Variants in RABGAP1L observed in about 807,000 individuals in gnomAD.
The protein encoded by RABGAP1L is RAB GTPase activating protein 1 like.
Under a neutral mutation model 137.7 loss-of-function variants are expected in RABGAP1L, and 63 were observed. That is an observed-to-expected ratio of 0.46 (90% CI 0.37 to 0.56). The LOEUF is 0.56. Among genes scored for constraint, RABGAP1L ranks in the 20% least tolerant of loss-of-function variants. RABGAP1L has a pLI of 0.00. For synonymous variants in RABGAP1L, 431 were observed against 433.7 expected, an observed-to-expected ratio of 0.99 and a Z score of 0.08; for missense variants, 1,095 against 1,244.0, an observed-to-expected ratio of 0.88 and a Z score of 1.80.
intron 19 of RABGAP1L, among the ~76,000 whole-genome samples, chr1:174,818,701 C>T (rs1690692548): frequency 6.6e-6 from 1 of 151,742 alleles, no homozygotes; most frequent in Non-Finnish European, 1.5e-5. Context: ...CGAAGTGAGA[C>T]CCCATCTCTA....
intron 7 of RABGAP1L, 144 bp from the exon 8 acceptor site, chr1:174,272,270 A>G: frequency 1.5e-6 from 1 of 682,242 alleles, no homozygotes; most frequent in Middle Eastern, 4.3e-4. Flanking sequence ...ATAAATACTT[A>G]TTTCTGGTGT....
intron 25 of RABGAP1L, among the ~76,000 whole-genome samples, chr1:174,989,637 T>G (rs564243948): frequency 6.6e-6 from 1 of 152,336 alleles, no homozygotes; most frequent in South Asian, 2.1e-4. Flanking sequence ...TCTTTCACTG[T>G]TTAAAGAAAG....
chr1:174,611,987 C>CTAG (rs1483479198), intron 13 of RABGAP1L, among the ~76,000 whole-genome samples: 1 of 152,212 alleles, frequency 6.6e-6, no homozygotes, highest in Non-Finnish European at 1.5e-5. Context: ...GATATACAAT[C>CTAG]ATGTCATCTG....
chr1:174,987,975 A>G (rs1671747483), intron 24 of RABGAP1L, among the ~76,000 whole-genome samples: 1 of 151,816 alleles, frequency 6.6e-6, no homozygotes, highest in Admixed American at 6.6e-5. Flanking sequence ...ATGCCTGGCT[A>G]ATTTTTTGTA....
In RABGAP1L at chr1:174,754,613, C is replaced by A. The variant is rs183213504; in HGVS notation, c.2211+2259C>A. ...AATTCCTGGGCTCAAGTGATCCTCC[C>A]TCCTCAGCCTCTTGAGGAGCTAGAA... On this transcript the variant is annotated intron_variant, in intron 18 of 25. Coordinates refer to ENST00000681986, the MANE Select transcript of RABGAP1L (RefSeq NM_001366446.1). 2.8e-3 allele frequency among the ~76,000 whole-genome samples: 425 copies of A among 152,176 alleles called. 1 individual carries two copies. The highest frequency in any genetic ancestry group is 9.8e-3 in the African/African-American group (405 of 41,514).
At chr1:174,685,078 C>T (rs1678357839) in intron 15 of RABGAP1L, among the ~76,000 whole-genome samples, 1 of 152,010 alleles carries the variant, frequency 6.6e-6, no homozygotes, top group Admixed American at 6.6e-5. Context: ...ATTCAGGGAG[C>T]AAAATTGTTA....
In RABGAP1L at chr1:174,875,759, C is replaced by T. The variant is rs1018770238; in HGVS notation, c.2340+63799C>T. On this transcript the variant is annotated intron_variant, in intron 19 of 25. Transcript: ENST00000681986. ...TTATAATGCCTTGTCTCCTGATTAT[C>T]ATTTAATTTTTACCTGGTTAGTCAG... 3 of 941,762 alleles carry T rather than the reference C, an allele frequency of 3.2e-6. No individual in the cohort carries two copies. The African/African-American group carries it at 5.3e-5, about 17-fold the overall frequency. 58.3% of individuals were successfully genotyped at this position (941,762 alleles called of 1,614,324 possible).
At chr1:174,540,135 G>T (rs891336385) in intron 13 of RABGAP1L, among the ~76,000 whole-genome samples, 9 of 152,062 alleles carry the variant, frequency 5.9e-5, no homozygotes, top group South Asian at 2.1e-4. Context: ...CTTTTTGATG[G>T]GGTAGTTTGA....
chr1:174,226,750 A>G lies in RABGAP1L; in HGVS notation c.332-4395A>G, dbSNP rs541650308. ...TTGGTTTCTTATGATTAGTATTTGC[A>G]TGGTATATATTTTTCTTTTTCCTTT... is the stretch of plus-strand genomic sequence containing the variant. On this transcript the variant is annotated intron_variant, in intron 3 of 25. Transcript: ENST00000681986. Among the ~76,000 whole-genome samples, 3 of 151,746 alleles carry G rather than the reference A, an allele frequency of 2.0e-5. 1 individual carries two copies. Among genetic ancestry groups the G allele is most frequent in the South Asian group, 2.1e-4 (1 of 4,826 alleles).
intron 14 of RABGAP1L, among the ~76,000 whole-genome samples, chr1:174,674,182 C>T (rs1677405914): frequency 6.6e-6 from 1 of 150,416 alleles, no homozygotes; most frequent in South Asian, 2.1e-4. Context: ...TGGTGTGCTG[C>T]ACCCATTAAC....
At chr1:174,492,379 G>A (rs1311321267) in intron 13 of RABGAP1L, among the ~76,000 whole-genome samples, 4 of 137,496 alleles carry the variant, frequency 2.9e-5, no homozygotes, top group South Asian at 2.3e-4. Context: ...ATGGAGTCTC[G>A]CTCTTGTCGC....
chr1:174,310,422 T>C (rs1020766899), intron 11 of RABGAP1L, among the ~76,000 whole-genome samples: 1 of 152,180 alleles, frequency 6.6e-6, no homozygotes, highest in Non-Finnish European at 1.5e-5. Flanking sequence ...GAATGTATAT[T>C]GTGCAGTTGT....
chr1:174,816,814 C>A (rs1393903397), intron 19 of RABGAP1L, among the ~76,000 whole-genome samples: 2 of 151,712 alleles, frequency 1.3e-5, no homozygotes, highest in East Asian at 3.9e-4. Flanking sequence ...CTCCTGCAAC[C>A]TTCGCCTCCC....
At chr1:174,442,719 TTATTG>T (rs1451681143) in intron 13 of RABGAP1L, among the ~76,000 whole-genome samples, 1 of 152,182 alleles carries the variant, frequency 6.6e-6, no homozygotes, top group African/African-American at 2.4e-5. Context: ...TGTTTATGAC[TTATTG>T]TATTGGTAAC....
chr1:174,320,194 G>A (rs954033138), intron 11 of RABGAP1L, among the ~76,000 whole-genome samples: 13 of 152,146 alleles, frequency 8.5e-5, no homozygotes, highest in African/African-American at 2.7e-4. Context: ...ATTATGATAT[G>A]AAACATTTTC....
chr1:174,174,157 C>A (rs917040699), intron 1 of RABGAP1L, among the ~76,000 whole-genome samples: 6 of 151,110 alleles, frequency 4.0e-5, no homozygotes, highest in Admixed American at 2.0e-4. Flanking sequence ...AGACAGATTT[C>A]TGACAACATG....
At chr1:174,984,057 CAAAAAAAAAAAA>C (rs1163719976) in intron 24 of RABGAP1L, among the ~76,000 whole-genome samples, 4 of 115,070 alleles carry the variant, frequency 3.5e-5, no homozygotes, top group Non-Finnish European at 5.2e-5. Flanking sequence ...TTTCTTCTAA[CAAAAAAAAAAAA>C]AAAAAAAAAG....
intron 13 of RABGAP1L, among the ~76,000 whole-genome samples, chr1:174,427,071 T>G (rs1257524741): frequency 7.9e-5 from 12 of 151,986 alleles, no homozygotes; most frequent in Admixed American, 7.9e-4. Context: ...TAGTGTTAGA[T>G]TAACAGTAAC....
chr1:174,382,711 T>C, intron 12 of RABGAP1L, among the ~76,000 whole-genome samples: 2 of 122,902 alleles, frequency 1.6e-5, no homozygotes, highest in African/African-American at 6.1e-5. Context: ...TTCAAAGTTT[T>C]CAACTTCTTT....
Sources: gnomAD v4.1 joint callset for allele counts (sites outside exome capture counted in the v4.1 genomes callset) on GRCh38, gnomAD v4.1.1 for gene constraint, MANE v1.5 for transcripts, NCBI Gene and HGNC (gene_info 2026-07-23, HGNC 2026-07-21) for gene names.